Variants in WWOX observed in about 807,000 individuals in gnomAD.
The protein encoded by WWOX is WW domain-containing oxidoreductase.
Under a neutral mutation model 46.2 loss-of-function variants are expected in WWOX, and 69 were observed. The observed-to-expected ratio is 1.49, with a 90% confidence interval of 1.23 to 1.82. The LOEUF (loss-of-function observed/expected upper bound fraction) is 1.82, where lower values mean the gene tolerates loss of function less well. Ranked by LOEUF, WWOX falls within the 40% of genes most tolerant of loss-of-function variation. The pLI, the probability that WWOX is intolerant of heterozygous loss-of-function variation, is 0.00. For synonymous variants in WWOX, 359 were observed against 202.6 expected, an observed-to-expected ratio of 1.77 and a Z score of -6.56; for missense variants, 919 against 542.6, an observed-to-expected ratio of 1.69 and a Z score of -6.89.
rs748388294 is a variant in WWOX at position 78,649,193 on chromosome 16, C to A, written c.1056+216441C>A. On this transcript the variant is annotated intron_variant, in intron 8 of 8. Coordinates refer to ENST00000566780, the MANE Select transcript of WWOX (RefSeq NM_016373.4). ...AGAGACGGGATTTCACCATGTTGGC[C>A]AGGCTGGTCTCAAACTCTGGACCTC... Among the ~76,000 whole-genome samples the A allele has an allele frequency of 1.2e-3, 187 of 152,110 alleles. 3 individuals are homozygous for A. The highest frequency in any genetic ancestry group is 6.8e-4 in the Non-Finnish European group (46 of 68,020).
At chr16:78,577,348 C>T (rs929910061) in intron 8 of WWOX, among the ~76,000 whole-genome samples, 7 of 152,188 alleles carry the variant, frequency 4.6e-5, no homozygotes, top group African/African-American at 7.2e-5. Context: ...AGATTTTTAG[C>T]TTTCTTCAGA....
At chr16:78,862,046 A>G (rs1005616507) in intron 8 of WWOX, among the ~76,000 whole-genome samples, 2 of 143,476 alleles carry the variant, frequency 1.4e-5, no homozygotes, top group South Asian at 2.1e-4. Context: ...TGTATCTATT[A>G]TATATATAGA....
At chr16:78,163,142 T>C (rs1351631377) in intron 4 of WWOX, among the ~76,000 whole-genome samples, 2 of 152,230 alleles carry the variant, frequency 1.3e-5, no homozygotes, top group Non-Finnish European at 2.9e-5. Context: ...TATGCTTAGC[T>C]ATTTTGTTTG....
At chr16:78,773,050 A>G (rs1014217838) in intron 8 of WWOX, among the ~76,000 whole-genome samples, 2 of 152,112 alleles carry the variant, frequency 1.3e-5, no homozygotes, top group African/African-American at 4.8e-5. Flanking sequence ...AAACAAACAA[A>G]CAAAAGAAAC....
At chr16:78,831,537 G>A (rs1358002525) in intron 8 of WWOX, among the ~76,000 whole-genome samples, 1 of 152,156 alleles carries the variant, frequency 6.6e-6, no homozygotes, top group African/African-American at 2.4e-5. Flanking sequence ...ATGCCCGGGT[G>A]CACAAAGCCA....
At chr16:78,710,829 C>T (rs1449993598) in intron 8 of WWOX, among the ~76,000 whole-genome samples, 1 of 151,864 alleles carries the variant, frequency 6.6e-6, no homozygotes, top group Non-Finnish European at 1.5e-5. Context: ...GTGGCCCAGG[C>T]TGATCTCAAA....
At chr16:78,104,070 C>G (rs765415108) in intron 1 of WWOX, among the ~76,000 whole-genome samples, 1 of 152,074 alleles carries the variant, frequency 6.6e-6, no homozygotes, top group Non-Finnish European at 1.5e-5. Flanking sequence ...AAGTGAGGGA[C>G]AAGGTCTCAG....
intron 5 of WWOX, among the ~76,000 whole-genome samples, chr16:78,386,269 C>T (rs1201185519): frequency 2.0e-5 from 3 of 152,152 alleles, no homozygotes; most frequent in South Asian, 2.1e-4. Flanking sequence ...CATTATTATT[C>T]CTATCACCAG....
intron 8 of WWOX, among the ~76,000 whole-genome samples, chr16:78,615,288 C>T (rs1349833709): frequency 6.6e-6 from 1 of 152,076 alleles, no homozygotes; most frequent in Non-Finnish European, 1.5e-5. Flanking sequence ...ACGTCAGGTC[C>T]CCTAGGAGTT....
intron 5 of WWOX, among the ~76,000 whole-genome samples, chr16:78,337,240 C>A (rs1005124753): frequency 1.3e-5 from 2 of 152,112 alleles, no homozygotes; most frequent in Non-Finnish European, 2.9e-5. Context: ...GGGTAGGAAT[C>A]CTGCAGACAG....
At chr16:78,148,732 C>T (rs1009803347) in intron 4 of WWOX, among the ~76,000 whole-genome samples, 1 of 151,638 alleles carries the variant, frequency 6.6e-6, no homozygotes, top group African/African-American at 2.4e-5. Flanking sequence ...CCCGTCTCTA[C>T]TAAAAATAAC....
intron 8 of WWOX, among the ~76,000 whole-genome samples, chr16:78,848,389 T>C (rs2052354554): frequency 6.6e-6 from 1 of 152,158 alleles, no homozygotes; most frequent in African/African-American, 2.4e-5. Context: ...GGAACTTGGC[T>C]TTTGGACTAG....
chr16:78,642,303 G>A (rs1014786698), intron 8 of WWOX, among the ~76,000 whole-genome samples: 1 of 152,192 alleles, frequency 6.6e-6, no homozygotes, highest in African/African-American at 2.4e-5. Context: ...ATAAAGGATA[G>A]GACTAGGAAT....
intron 8 of WWOX, among the ~76,000 whole-genome samples, chr16:79,053,982 C>G (rs1005882114): frequency 1.6e-5 from 2 of 125,166 alleles, no homozygotes; most frequent in Non-Finnish European, 3.6e-5. Flanking sequence ...GTTATTATCT[C>G]AAGGAGAGAG....
At chr16:78,410,137 T>C (rs1411202642) in intron 6 of WWOX, among the ~76,000 whole-genome samples, 1 of 152,164 alleles carries the variant, frequency 6.6e-6, no homozygotes, top group African/African-American at 2.4e-5. Flanking sequence ...GCCCTCACCA[T>C]GTTAGCTGCC....
chr16:78,221,830 A>G (rs1373335398), intron 5 of WWOX, among the ~76,000 whole-genome samples: 1 of 152,232 alleles, frequency 6.6e-6, no homozygotes, highest in South Asian at 2.1e-4. Context: ...ACACTCATGC[A>G]TACAGGTCTC....
intron 8 of WWOX, among the ~76,000 whole-genome samples, chr16:78,806,695 C>T (rs1479139830): frequency 6.6e-6 from 1 of 152,118 alleles, no homozygotes; most frequent in Non-Finnish European, 1.5e-5. Context: ...TATGGCCTTC[C>T]ATAGAAGTTA....
In WWOX at chr16:78,802,868, A is replaced by G. The variant is rs939235680; in HGVS notation, c.1056+370116A>G. Among the ~76,000 whole-genome samples, 4 of 139,902 alleles carry G rather than the reference A, an allele frequency of 2.9e-5. No individual in the cohort carries two copies. In the South Asian group the frequency reaches 7.6e-4, roughly 27 times the overall value. The allele number at this position is 139,902 out of a possible 152,430, so 91.8% of individuals were successfully genotyped here. A position where few individuals can be genotyped will look rare whatever the true frequency, so the allele number is the denominator to read the frequency against. On this transcript the variant is annotated intron_variant, in intron 8 of 8. Coordinates refer to ENST00000566780, the MANE Select transcript of WWOX (RefSeq NM_016373.4). Reference sequence around the variant, plus strand: ...GAGGGACAGGTTGCAGTGAGACAAGATGATGCCATTGCACTCCAGCCTGGG... The same window carrying G: ...GAGGGACAGGTTGCAGTGAGACAAGGTGATGCCATTGCACTCCAGCCTGGG...
intron 8 of WWOX, among the ~76,000 whole-genome samples, chr16:79,174,947 A>T (rs943212059): frequency 2.6e-5 from 4 of 152,150 alleles, no homozygotes; most frequent in African/African-American, 4.8e-5. Context: ...AACCCTGAGG[A>T]CTTGGTATTC....
Sources: allele counts gnomAD v4.1 joint callset (sites outside exome capture counted in the v4.1 genomes callset), GRCh38; gene constraint gnomAD v4.1.1; transcripts MANE v1.5; gene names NCBI Gene and HGNC (gene_info 2026-07-23, HGNC 2026-07-21).